Variants in HAO2 observed in about 807,000 individuals in gnomAD.
HAO2 encodes hydroxyacid oxidase 2.
In HAO2, 42 loss-of-function variants were observed where a neutral mutation model predicts 37.4. The observed-to-expected ratio is 1.12, with a 90% CI of 0.88 to 1.45. The LOEUF (loss-of-function observed/expected upper bound fraction) is 1.45, where lower values mean the gene tolerates loss of function less well. Ranked by LOEUF, HAO2 falls within the 40% of genes most tolerant of loss-of-function variation. The probability of loss-of-function intolerance (pLI) is 0.00; values close to 1 mark genes in which losing one functional copy is unlikely to be tolerated. For missense variants in HAO2, 476 were observed against 430.2 expected (o/e 1.11, Z -0.94); for synonymous variants, 180 against 162.8 (o/e 1.11, Z -0.81).
chr1:119,387,541 AAATT>A (rs1404536494), intron 5 of HAO2, among the ~76,000 whole-genome samples: 1 of 152,208 alleles, frequency 6.6e-6, no homozygotes, highest in Non-Finnish European at 1.5e-5. Flanking sequence ...CAAAAGATAA[AAATT>A]AACACTAATT....
chr1:119,379,127 A>G (rs1649711325), intron 1 of HAO2, among the ~76,000 whole-genome samples: 1 of 152,184 alleles, frequency 6.6e-6, no homozygotes, highest in Non-Finnish European at 1.5e-5. Flanking sequence ...TGCGGGATGC[A>G]GTTAATTCCC....
intron 1 of HAO2, among the ~76,000 whole-genome samples, chr1:119,379,610 C>T (rs964048600): frequency 6.6e-6 from 1 of 152,136 alleles, no homozygotes; most frequent in African/African-American, 2.4e-5. Flanking sequence ...AGTAATTTGT[C>T]AGACTCAACT....
intron 4 of HAO2, chr1:119,385,266 C>G: frequency 4.1e-6 from 4 of 985,162 alleles, no homozygotes; most frequent in Non-Finnish European, 4.8e-6. Flanking sequence ...CAAATGTTCT[C>G]ACCCTTGGAG....
intron 4 of HAO2, chr1:119,385,634 G>A (rs889119700): frequency 1.0e-6 from 1 of 985,282 alleles, no homozygotes. Flanking sequence ...ACTACAAAGG[G>A]GACCTTCCCC....
chr1:119,373,536 G>T lies in HAO2; in HGVS notation c.-9+4634G>T, dbSNP rs149827911. ...CTCATAGTCTTCCAATCCTCAATAG[G>T]CAGGATGTGTGGGAGGCAGGACAAT... On this transcript the variant is annotated intron_variant, in intron 1 of 7. Coordinates refer to ENST00000325945, the MANE Select transcript of HAO2 (RefSeq NM_016527.4). 4.0e-3 allele frequency among the ~76,000 whole-genome samples: 602 copies of T among 152,172 alleles called. 4 individuals are homozygous for T. The highest frequency in any genetic ancestry group is 0.017 in the Middle Eastern group (5 of 294).
In HAO2 at chr1:119,381,114, A is replaced by G. The variant is rs942022216; in HGVS notation, c.29A>G (p.Gln10Arg). The change falls in exon 2 of 8, where the codon CAG becomes CGG. Residue 10 changes from glutamine to arginine, a missense_variant. Gln to Arg is a conservative substitution (Grantham distance 43). Coordinates refer to ENST00000325945, the MANE Select transcript of HAO2 (RefSeq NM_016527.4). MSLVCLTDF[Q>R]AHAREQLSKS... is the part of the protein sequence containing the mutation. ...TCCTTGGTGTGTTTGACAGACTTTC[A>G]GGCCCATGCGCGAGAGCAGCTGTCT... is the stretch of plus-strand genomic sequence containing the variant. 16 of 1,612,476 alleles carry G rather than the reference A, an allele frequency of 9.9e-6. No homozygotes were observed. Among genetic ancestry groups the G allele is most frequent in the Non-Finnish European group, 1.4e-5 (16 of 1,178,460 alleles).
chr1:119,383,854 C>T (rs1650165090), intron 3 of HAO2, among the ~76,000 whole-genome samples: 1 of 152,106 alleles, frequency 6.6e-6, no homozygotes, highest in Non-Finnish European at 1.5e-5. Flanking sequence ...AATGTGACAT[C>T]CATCTTGATG....
chr1:119,381,773 T>C (rs1431531340), intron 2 of HAO2, among the ~76,000 whole-genome samples: 1 of 152,184 alleles, frequency 6.6e-6, no homozygotes, highest in Non-Finnish European at 1.5e-5. Context: ...GAGCTAACGA[T>C]GGTTTTTCAT....
At chr1:119,380,499 C>T in intron 1 of HAO2, 1 of 524,604 alleles carries the variant, frequency 1.9e-6, no homozygotes, top group South Asian at 3.4e-5. Context: ...CTCTGTAATC[C>T]ACAGCTCCAG....
At chr1:119,383,107 G>A (rs777636194) in intron 3 of HAO2, 41 bp downstream of exon 3, 2 of 1,524,314 alleles carry the variant, frequency 1.3e-6, no homozygotes, top group South Asian at 1.2e-5. Context: ...TCCGGGAGGA[G>A]GTGTCCCTCA....
chr1:119,393,361 T>C (rs1227220752), intron 7 of HAO2, among the ~76,000 whole-genome samples: 1 of 152,182 alleles, frequency 6.6e-6, no homozygotes, highest in African/African-American at 2.4e-5. Flanking sequence ...TCTTTTCCTT[T>C]GACAGAACTT....
At chr1:119,387,086 C>A (rs188176846) in intron 5 of HAO2, among the ~76,000 whole-genome samples, 1 of 152,078 alleles carries the variant, frequency 6.6e-6, no homozygotes, top group Non-Finnish European at 1.5e-5. Context: ...TGTTATTATC[C>A]CTGATTTGCA....
At chr1:119,393,719 T>C in intron 7 of HAO2, 66 bp from the exon 8 acceptor site, 1 of 1,316,146 alleles carries the variant, frequency 7.6e-7, no homozygotes, top group Non-Finnish European at 1.1e-6. Flanking sequence ...CATCACCCCT[T>C]ACCCATGATG....
chr1:119,373,899 A>G (rs1258327201), intron 1 of HAO2, among the ~76,000 whole-genome samples: 1 of 152,190 alleles, frequency 6.6e-6, no homozygotes, highest in Non-Finnish European at 1.5e-5. Flanking sequence ...AAAAAGGGCC[A>G]TTATGGTTCA....
chr1:119,376,811 T>A (rs1649505649), intron 1 of HAO2, among the ~76,000 whole-genome samples: 2 of 152,188 alleles, frequency 1.3e-5, no homozygotes, highest in South Asian at 4.1e-4. Context: ...TTGGCCCCTT[T>A]TAGCCATGGC....
At chr1:119,388,542 C>G (rs1650573086) in intron 5 of HAO2, among the ~76,000 whole-genome samples, 3 of 152,174 alleles carry the variant, frequency 2.0e-5, no homozygotes, top group African/African-American at 7.2e-5. Flanking sequence ...CATTTGGCTT[C>G]ACATCCAAAC....
chr1:119,371,224 C>T (rs1156802689), intron 1 of HAO2, among the ~76,000 whole-genome samples: 3 of 152,094 alleles, frequency 2.0e-5, no homozygotes, highest in Admixed American at 6.6e-5. Context: ...TCAGGCTTTG[C>T]CATTTCTGTT....
intron 7 of HAO2, 59 bp from the exon 8 acceptor site, chr1:119,393,726 G>T: frequency 7.1e-7 from 1 of 1,399,228 alleles, no homozygotes; most frequent in Non-Finnish European, 1.0e-6. Flanking sequence ...CCTTACCCAT[G>T]ATGAGGTGAG....
chr1:119,389,156 A>ATATATATACGTATATATATATGTGTG (rs1557855842), intron 5 of HAO2, among the ~76,000 whole-genome samples: 1 of 77,972 alleles, frequency 1.3e-5, no homozygotes, highest in African/African-American at 4.4e-5. Flanking sequence ...ATATATATAT[A>ATATATATACGTATATATATATGTGTG]TATATATATA....
Sources: allele counts gnomAD v4.1 joint callset (sites outside exome capture counted in the v4.1 genomes callset), GRCh38; gene constraint gnomAD v4.1.1; transcripts MANE v1.5; gene names NCBI Gene and HGNC (gene_info 2026-07-23, HGNC 2026-07-21).